LDHAL6A: variants seen among roughly 807,000 people sequenced by gnomAD.
LDHAL6A encodes lactate dehydrogenase A like 6A, also known as L-lactate dehydrogenase A-like 6A.
A neutral mutation model predicts 28.2 loss-of-function variants in LDHAL6A; 19 were observed. The observed-to-expected ratio is 0.67, with a 90% confidence interval of 0.47 to 0.99. The LOEUF (loss-of-function observed/expected upper bound fraction) is 0.99, where lower values mean the gene tolerates loss of function less well. Among genes scored for constraint, LDHAL6A ranks in the 50% least tolerant of loss-of-function variants. LDHAL6A has a pLI of 0.00. For synonymous variants in LDHAL6A, 144 were observed against 134.4 expected, an observed-to-expected ratio of 1.07 and a Z score of -0.49; for missense variants, 372 against 398.6, an observed-to-expected ratio of 0.93 and a Z score of 0.57.
intron 1 of LDHAL6A, among the ~76,000 whole-genome samples, chr11:18,462,962 T>A (rs115420416): frequency 1.3e-5 from 2 of 151,758 alleles, no homozygotes; most frequent in African/African-American, 2.4e-5. Flanking sequence ...AGTGTTTTTT[T>A]TTTTTCAAAT....
intron 1 of LDHAL6A, among the ~76,000 whole-genome samples, chr11:18,462,944 G>GT (rs1404825257): frequency 4.7e-5 from 5 of 106,012 alleles, no homozygotes; most frequent in Admixed American, 1.1e-4. Flanking sequence ...TCAGTTTCTT[G>GT]TATTTCTAGT....
At chr11:18,476,559 A>C in intron 5 of LDHAL6A, 58 bp downstream of exon 5, 1 of 1,579,272 alleles carries the variant, frequency 6.3e-7, no homozygotes, top group South Asian at 1.2e-5. Context: ...GAACTCTGTT[A>C]GAAGGTTGAG....
intron 3 of LDHAL6A, among the ~76,000 whole-genome samples, chr11:18,472,168 C>T (rs1212196818): frequency 6.6e-6 from 1 of 152,150 alleles, no homozygotes; most frequent in Non-Finnish European, 1.5e-5. Context: ...CAGGGCCTGG[C>T]AGAGGTCCCC....
chr11:18,465,325 G>A (rs1304907644), intron 2 of LDHAL6A, among the ~76,000 whole-genome samples: 1 of 151,664 alleles, frequency 6.6e-6, no homozygotes, highest in Admixed American at 6.6e-5. Context: ...GTTTTGCCAT[G>A]TTGGCCAGTC....
intron 3 of LDHAL6A, among the ~76,000 whole-genome samples, chr11:18,471,914 AT>A (rs1849266397): frequency 2.0e-5 from 3 of 151,834 alleles, no homozygotes; most frequent in Non-Finnish European, 4.4e-5. Context: ...CATGAACTAA[AT>A]GACCAAATGG....
chr11:18,456,461 C>G lies in LDHAL6A; in HGVS notation c.-220C>G. ...GTACTCACGCTTCCTTCTCCTTCCC[C>G]TGGTCCGCTTCATGGATGCTGAGCT... On this transcript the variant is annotated 5_prime_UTR_variant, in exon 1 of 7. Coordinates refer to ENST00000280706, the MANE Select transcript of LDHAL6A (RefSeq NM_144972.5). The G allele has an allele frequency of 1.9e-6, 1 of 528,606 alleles. No homozygotes were observed. 32.7% of individuals were successfully genotyped at this position (528,606 alleles called of 1,614,324 possible).
At chr11:18,477,552 T>C (rs970101074) in intron 5 of LDHAL6A, 68 bp from the exon 6 acceptor site, 43 of 1,433,546 alleles carry the variant, frequency 3.0e-5, no homozygotes, top group African/African-American at 8.7e-5. Flanking sequence ...GTTAGATACA[T>C]TGCTACAAAG....
Position 18,477,745 on chromosome 11 carries a change from T to C in LDHAL6A, c.834+2T>C, listed in dbSNP as rs1026579112. ...CATCCAGTTTCTACCCTAAGTAAGG[T>C]AGGACATTCATGTTCGAAAAATCAT... On this transcript the variant is annotated splice_donor_variant, in intron 6 of 6. Transcript: ENST00000280706. LOFTEE classifies it high-confidence loss of function. The C allele has an allele frequency of 2.3e-5, 37 of 1,596,166 alleles. No homozygotes were observed. The highest frequency in any genetic ancestry group is 1.7e-4 in the Middle Eastern group (1 of 5,990).
intron 1 of LDHAL6A, among the ~76,000 whole-genome samples, chr11:18,462,520 C>T (rs1317198201): frequency 6.6e-6 from 1 of 151,780 alleles, no homozygotes; most frequent in Non-Finnish European, 1.5e-5. Context: ...GCCTGTAGTC[C>T]CAGCTACTCG....
chr11:18,474,654 TG>T (rs1171677784), intron 3 of LDHAL6A, among the ~76,000 whole-genome samples: 3 of 152,238 alleles, frequency 2.0e-5, no homozygotes, highest in African/African-American at 7.2e-5. Context: ...CCCAAAGTAA[TG>T]GGATTACAGG....
In LDHAL6A at chr11:18,465,785, C is replaced by A. The variant is rs147549455; in HGVS notation, c.393C>A (p.Cys131Ter). Residue 131 changes from cysteine to a stop codon, truncating the protein, a stop_gained, in exon 3 of 7, where the codon TGC becomes TGA. Transcript: ENST00000280706. LOFTEE classifies it high-confidence loss of function. Reference sequence around the variant, plus strand: ...ATATTACCCAGTACAGTCCTCACTGCAAACTGCTTATTGTTACTAATCCAG... The same window carrying A: ...ATATTACCCAGTACAGTCCTCACTGAAAACTGCTTATTGTTACTAATCCAG... ...IPNITQYSPH[C>*]KLLIVTNPVD... is the part of the protein sequence containing the mutation. 6.2e-6 allele frequency: 10 copies of A among 1,612,514 alleles called. No individual in the cohort carries two copies. The highest frequency in any genetic ancestry group is 1.1e-5 in the South Asian group (1 of 90,670).
chr11:18,475,745 CT>C (rs1218694744), intron 4 of LDHAL6A, 106 bp downstream of exon 4: 1 of 886,090 alleles, frequency 1.1e-6, no homozygotes, highest in African/African-American at 1.7e-5. Context: ...CTTTATTCCA[CT>C]TTAGGCCCTT....
chr11:18,469,077 A>G (rs1450403483), intron 3 of LDHAL6A: 9 of 447,364 alleles, frequency 2.0e-5, no homozygotes, highest in South Asian at 5.1e-5. Flanking sequence ...CACACTTTCC[A>G]GTAAGTTTTT....
At chr11:18,459,737 T>A (rs55642936) in intron 1 of LDHAL6A, among the ~76,000 whole-genome samples, 14,865 of 152,278 alleles carry the variant, frequency 0.098, 831 homozygotes, top group Admixed American at 0.14. Context: ...TGTTCCATGA[T>A]CCCATCCAGG....
rs2133897024 is a variant in LDHAL6A, at chr11:18,479,422, T to C, written c.*552T>C. ...GCCATCTGGTCCACAAGAATGTGTT[T>C]ACTGTGTTACACAAATCCTGATTCT... On this transcript the variant is annotated 3_prime_UTR_variant, in exon 7 of 7. Coordinates refer to ENST00000280706, the MANE Select transcript of LDHAL6A (RefSeq NM_144972.5). 1 of 149,076 alleles carries C rather than the reference T, an allele frequency of 6.7e-6. No homozygotes were observed. Among genetic ancestry groups the C allele is most frequent in the South Asian group, 2.3e-4 (1 of 4,422 alleles). 9.2% of individuals were successfully genotyped at this position (149,076 alleles called of 1,614,324 possible).
rs1849423252 is a variant in LDHAL6A, at chr11:18,477,676, T to C, written c.767T>C (p.Val256Ala). The change falls in exon 6 of 7, where the codon GTA (valine) becomes GCA (alanine). Residue 256 changes from valine (V) to alanine (A), a missense_variant. Around this residue, in one of 3 missense-constraint regions of LDHAL6A, gnomAD observed 291 missense variants for 302.9 expected, o/e 0.96. Transcript: ENST00000280706. ...ACTTCTTGGGGCATTAGCCTATCTG[T>C]AGCTGATTTAACAGAAAGTATTTTG... ...GYTSWGISLS[V>A]ADLTESILKN... The C allele has an allele frequency of 1.2e-6, 2 of 1,613,300 alleles. No homozygotes were observed. The highest frequency in any genetic ancestry group is 8.5e-7 in the Non-Finnish European group (1 of 1,179,544).
chr11:18,464,265 T>C (rs910377765), intron 2 of LDHAL6A, among the ~76,000 whole-genome samples, 187 bp downstream of exon 2: 2 of 152,222 alleles, frequency 1.3e-5, no homozygotes, highest in Admixed American at 1.3e-4. Flanking sequence ...GGCACCAGAC[T>C]GAGTTCCTTG....
At chr11:18,467,167 GA>G (rs1849095105) in intron 3 of LDHAL6A, among the ~76,000 whole-genome samples, 1 of 152,196 alleles carries the variant, frequency 6.6e-6, no homozygotes, top group South Asian at 2.1e-4. Context: ...AAATTATTTG[GA>G]GTAGTTTTTC....
chr11:18,464,994 TTTG>T, intron 2 of LDHAL6A, among the ~76,000 whole-genome samples: 9 of 144,580 alleles, frequency 6.2e-5, no homozygotes, highest in South Asian at 2.2e-4. Flanking sequence ...TTTGTTTTGT[TTTG>T]TTTTGGTTTG....
Sources: allele counts gnomAD v4.1 joint callset (sites outside exome capture counted in the v4.1 genomes callset), GRCh38; gene constraint gnomAD v4.1.1; regional missense constraint gnomAD v4.1.1; transcripts MANE v1.5; gene names NCBI Gene and HGNC (gene_info 2026-07-23, HGNC 2026-07-21).